Variants in CNGA3 observed in about 807,000 individuals in gnomAD.
CNGA3 encodes the protein cyclic nucleotide-gated channel alpha-3.
A neutral mutation model predicts 46.6 loss-of-function variants in CNGA3; 42 were observed. The observed-to-expected ratio is 0.90, with a 90% CI of 0.70 to 1.17. The LOEUF (loss-of-function observed/expected upper bound fraction) is 1.17. Among genes scored for constraint, CNGA3 ranks in the 50% most tolerant of loss-of-function variants. The pLI is 0.00. For synonymous variants in CNGA3, 394 were observed against 369.4 expected (o/e 1.07, Z -0.76); for missense variants, 893 against 890.7 (o/e 1.00, Z -0.03).
chr2:98,392,076 C>G (rs1692803775), intron 7 of CNGA3, 106 bp downstream of exon 7: 2 of 1,018,800 alleles, frequency 2.0e-6, no homozygotes. Context: ...CATGAGAGGC[C>G]AGGCAGGTCT....
intron 5 of CNGA3, among the ~76,000 whole-genome samples, chr2:98,388,627 G>A (rs1446160182): frequency 6.6e-6 from 1 of 152,222 alleles, no homozygotes; most frequent in Non-Finnish European, 1.5e-5. Context: ...AGCCTCCGGT[G>A]GGCAGCCGGG....
intron 1 of CNGA3, among the ~76,000 whole-genome samples, chr2:98,349,636 T>G (rs1269609031): frequency 6.6e-6 from 1 of 152,202 alleles, no homozygotes; most frequent in African/African-American, 2.4e-5. Flanking sequence ...GAGAAAGGCC[T>G]GGATCAAGGC....
rs1210775452 is a variant in CNGA3 at position 98,395,925 on chromosome 2, A to G, written c.755A>G (p.Asp252Gly). The change falls in exon 8 of 8, where the codon GAT becomes GGT. Residue 252 changes from aspartate to glycine, a missense_variant. This residue lies in a region of CNGA3 where 548 missense variants were observed against 570.8 expected (regional missense o/e 0.96). Transcript: ENST00000272602. ...AAGACGACCACGCAGTTCAAGCTGG[A>G]TGTGTTGTCCCTGGTCCCCACCGAC... ...HYKTTTQFKL[D>G]VLSLVPTDLA... The G allele has an allele frequency of 2.5e-6, 4 of 1,614,000 alleles. No homozygotes were observed. The highest frequency in any genetic ancestry group is 2.7e-5 in the African/African-American group (2 of 74,910).
chr2:98,397,365 C>A lies in CNGA3; in HGVS notation c.*110C>A. ...CAGGGTTGAATTCCAGCTCTACTCA[C>A]CCTTTGAAAGCTGTGTGACTGCCTG... On this transcript the variant is annotated 3_prime_UTR_variant, in exon 8 of 8. Coordinates refer to ENST00000272602, the MANE Select transcript of CNGA3 (RefSeq NM_001298.3). 8.8e-7 allele frequency: 1 copy of A among 1,131,664 alleles called. No individual in the cohort carries two copies. Among genetic ancestry groups the A allele is most frequent in the Non-Finnish European group, 1.3e-6 (1 of 765,866 alleles). 70.1% of individuals were successfully genotyped at this position (1,131,664 alleles called of 1,614,324 possible). A position where few individuals can be genotyped will look rare whatever the true frequency, so the allele number is the denominator to read the frequency against.
rs1023882831 is a variant in CNGA3, at chr2:98,397,297, G to A, written c.*42G>A. On this transcript the variant is annotated 3_prime_UTR_variant, in exon 8 of 8. Transcript: ENST00000272602. Reference sequence around the variant, plus strand: ...TCCTGCTTCACAGGGTCGACTGTCAGGGTGACCGTATGTGGCCGCAGCTGT... The same window carrying A: ...TCCTGCTTCACAGGGTCGACTGTCAAGGTGACCGTATGTGGCCGCAGCTGT... 1 of 1,591,144 alleles carries A rather than the reference G, an allele frequency of 6.3e-7. No individual in the cohort carries two copies. Among genetic ancestry groups the A allele is most frequent in the East Asian group, 2.2e-5 (1 of 44,698 alleles).
chr2:98,352,790 T>C (rs1033086824), intron 1 of CNGA3, among the ~76,000 whole-genome samples: 2 of 152,192 alleles, frequency 1.3e-5, no homozygotes, highest in Non-Finnish European at 2.9e-5. Context: ...CTGCCCTCTA[T>C]TGGCCCTCTG....
chr2:98,362,591 T>C (rs1692059786), intron 1 of CNGA3, among the ~76,000 whole-genome samples: 1 of 152,144 alleles, frequency 6.6e-6, no homozygotes, highest in Non-Finnish European at 1.5e-5. Flanking sequence ...TTTTCTCCCA[T>C]TCTGTAGGTT....
chr2:98,365,586 CA>C (rs55979815), intron 1 of CNGA3, among the ~76,000 whole-genome samples: 29,131 of 152,064 alleles, frequency 0.19, 3,178 homozygotes, highest in Non-Finnish European at 0.26. Flanking sequence ...CTGTAGTTCT[CA>C]GAGGTTTTGT....
intron 1 of CNGA3, 125 bp from the exon 2 acceptor site, chr2:98,369,814 C>A: frequency 3.0e-6 from 2 of 658,156 alleles, no homozygotes; most frequent in South Asian, 1.7e-5. Context: ...CTACAAGAGA[C>A]AGCAGAGGGT....
In CNGA3 at chr2:98,397,032, C is replaced by A. The variant is rs200819699; in HGVS notation, c.1862C>A (p.Ala621Glu). The A allele has an allele frequency of 5.0e-5, 81 of 1,613,842 alleles. No individual in the cohort carries two copies. Among genetic ancestry groups the A allele is most frequent in the Non-Finnish European group, 6.8e-5 (80 of 1,179,964 alleles). ...GATGAGGAGCTGGCCAGGGCGGGCG[C>A]GGACCCCAAGGACCTTGAGGAGAAA... The part of the protein sequence containing the change: ...LIDEELARAG[A>E]DPKDLEEKVE... The change falls in exon 8 of 8, where the codon GCG becomes GAG. Residue 621 changes from alanine to glutamate, a missense_variant. Ala to Glu is a moderately radical substitution (Grantham distance 107, BLOSUM62 -1). Coordinates refer to ENST00000272602, the MANE Select transcript of CNGA3 (RefSeq NM_001298.3).
At chr2:98,364,372 C>T (rs1316079320) in intron 1 of CNGA3, among the ~76,000 whole-genome samples, 1 of 150,348 alleles carries the variant, frequency 6.7e-6, no homozygotes, top group African/African-American at 2.5e-5. Flanking sequence ...AGCAAGACTC[C>T]ATCTCAAAAA....
chr2:98,359,029 G>A (rs183944657), intron 1 of CNGA3, among the ~76,000 whole-genome samples: 14 of 152,348 alleles, frequency 9.2e-5, no homozygotes, highest in African/African-American at 3.1e-4. Context: ...AGTTTATTTG[G>A]GGAGTGATTC....
intron 1 of CNGA3, among the ~76,000 whole-genome samples, chr2:98,361,490 T>C (rs1285509206): frequency 2.0e-5 from 3 of 152,150 alleles, no homozygotes; most frequent in Non-Finnish European, 4.4e-5. Flanking sequence ...ACAATGAACA[T>C]ATGCATGCCT....
intron 1 of CNGA3, among the ~76,000 whole-genome samples, chr2:98,363,583 T>A (rs180698320): frequency 2.0e-5 from 3 of 152,240 alleles, no homozygotes; most frequent in Admixed American, 6.5e-5. Context: ...CATCCTTATC[T>A]TGTGTCAGTT....
At position 98,396,574 on chromosome 2, in the gene CNGA3, C is replaced by A. The variant is rs1465351825; in HGVS notation, c.1404C>A (p.Ile468=). Residue 468 remains isoleucine (I), a synonymous_variant, in exon 8 of 8, where the codon ATC becomes ATA. Coordinates refer to ENST00000272602, the MANE Select transcript of CNGA3 (RefSeq NM_001298.3). ...KSLPDKLKAE[I]AINVHLDTLK... ...TCCCAGACAAGCTGAAGGCTGAGAT[C>A]GCCATCAACGTGCACCTGGACACGC... 1.2e-6 allele frequency: 2 copies of A among 1,613,894 alleles called. No homozygotes were observed. Among genetic ancestry groups the A allele is most frequent in the Non-Finnish European group, 8.5e-7 (1 of 1,179,918 alleles).
chr2:98,352,303 T>C (rs1432723159), intron 1 of CNGA3, among the ~76,000 whole-genome samples: 3 of 152,222 alleles, frequency 2.0e-5, no homozygotes, highest in Non-Finnish European at 4.4e-5. Flanking sequence ...TAAATGATTG[T>C]CGTTTCCACT....
intron 2 of CNGA3, chr2:98,377,383 C>T: frequency 2.9e-6 from 1 of 343,002 alleles, no homozygotes; most frequent in Non-Finnish European, 5.5e-6. Context: ...AATGGCAAGC[C>T]CCGGGACCTC....
chr2:98,355,935 G>C (rs1176566237), intron 1 of CNGA3: 2 of 152,116 alleles, frequency 1.3e-5, no homozygotes, highest in Non-Finnish European at 2.9e-5. Flanking sequence ...TTTCACTCAG[G>C]GTTTTCTCTC....
intron 5 of CNGA3, among the ~76,000 whole-genome samples, chr2:98,383,829 A>G (rs964012260): frequency 4.6e-5 from 7 of 152,180 alleles, no homozygotes; most frequent in Non-Finnish European, 1.0e-4. Flanking sequence ...TTATTCTACA[A>G]CCTCAGGCTC....
Sources: allele counts gnomAD v4.1 joint callset (sites outside exome capture counted in the v4.1 genomes callset), GRCh38; gene constraint gnomAD v4.1.1; regional missense constraint gnomAD v4.1.1; transcripts MANE v1.5; gene names NCBI Gene and HGNC (gene_info 2026-07-23, HGNC 2026-07-21).